Variants in ACACA observed in about 807,000 individuals in gnomAD.
ACACA encodes acetyl-CoA carboxylase 1.
A neutral mutation model predicts 296.1 loss-of-function variants in ACACA; 103 were observed. That is an observed-to-expected ratio of 0.35 (90% CI 0.30 to 0.41). The LOEUF (loss-of-function observed/expected upper bound fraction) is 0.41. Among genes scored for constraint, ACACA ranks in the 10% least tolerant of loss-of-function variants. The probability of loss-of-function intolerance (pLI) is 1.00; values close to 1 mark genes in which losing one functional copy is unlikely to be tolerated. For synonymous variants in ACACA, 953 were observed against 1,038.6 expected, an observed-to-expected ratio of 0.92 and a Z score of 1.58; for missense variants, 1,554 against 2,989.7, an observed-to-expected ratio of 0.52 and a Z score of 11.20.
At chr17:37,221,659 T>G in intron 29 of ACACA, 65 bp downstream of exon 29, 1 of 1,264,154 alleles carries the variant, frequency 7.9e-7, no homozygotes. Flanking sequence ...TCATACACAT[T>G]ACTCCCCTTG....
rs1228582520 is a variant in ACACA at position 37,339,861 on chromosome 17, A to C, written c.39-11T>G. ...CACTTCCAAAAAGACCTAGAGAGAA[A>C]GAGAAAGATTTTAAGGTTTTTTTTT... is the stretch of plus-strand genomic sequence containing the variant. On this transcript the variant is annotated splice_polypyrimidine_tract_variant and intron_variant, in intron 1 of 55. Coordinates refer to ENST00000616317, the MANE Select transcript of ACACA (RefSeq NM_198834.3). 8.4e-7 allele frequency: 1 copy of C among 1,196,266 alleles called. No individual in the cohort carries two copies. Among genetic ancestry groups the C allele is most frequent in the Non-Finnish European group, 1.1e-6 (1 of 870,124 alleles). 74.1% of individuals were successfully genotyped at this position (1,196,266 alleles called of 1,614,324 possible).
chr17:37,280,096 C>T (rs1464312947), intron 5 of ACACA, among the ~76,000 whole-genome samples: 6 of 152,090 alleles, frequency 3.9e-5, no homozygotes, highest in South Asian at 2.1e-4. Flanking sequence ...TCACTAGCAA[C>T]ATGGGTACCA....
At chr17:37,197,016 T>C (rs1180260117) in intron 35 of ACACA, among the ~76,000 whole-genome samples, 8 of 152,212 alleles carry the variant, frequency 5.3e-5, no homozygotes, top group Non-Finnish European at 1.2e-4. Flanking sequence ...TTTAATTAGA[T>C]GGTTATGGAA....
intron 39 of ACACA, among the ~76,000 whole-genome samples, chr17:37,183,848 C>CTTTTT (rs775286104): frequency 8.3e-6 from 1 of 120,068 alleles, no homozygotes; most frequent in Non-Finnish European, 1.7e-5. Context: ...AGTTTCAGTC[C>CTTTTT]TTTTTTTTTT....
chr17:37,176,140 G>A (rs1446907109), intron 41 of ACACA, among the ~76,000 whole-genome samples: 2 of 152,198 alleles, frequency 1.3e-5, no homozygotes, highest in South Asian at 4.1e-4. Flanking sequence ...GGTCTGATAA[G>A]TGCAGGTTTT....
At chr17:37,206,734 G>A in intron 32 of ACACA, 49 bp downstream of exon 32, 2 of 1,408,730 alleles carry the variant, frequency 1.4e-6, no homozygotes, top group South Asian at 1.2e-5. Flanking sequence ...TACAGTAGAA[G>A]TCCCATGTCT....
intron 3 of ACACA, among the ~76,000 whole-genome samples, chr17:37,321,871 G>T (rs1029150153): frequency 1.3e-5 from 2 of 151,546 alleles, no homozygotes; most frequent in Non-Finnish European, 2.9e-5. Flanking sequence ...TTGAACCCAG[G>T]AGGCGGAGGT....
At chr17:37,389,328 C>T (rs1482644485) in intron 1 of ACACA, 8 of 1,593,310 alleles carry the variant, frequency 5.0e-6, no homozygotes, top group Non-Finnish European at 6.8e-6. Flanking sequence ...CCACCTGGGA[C>T]AGCTGAATCC....
At chr17:37,200,283 TG>T in intron 34 of ACACA, 100 bp from the exon 35 acceptor site, 4 of 1,383,124 alleles carry the variant, frequency 2.9e-6, no homozygotes, top group Non-Finnish European at 3.1e-6. Context: ...GTTAAACTAA[TG>T]TTTTTTAAAA....
In ACACA at chr17:37,260,300, T is replaced by A. The variant is rs1375762795; in HGVS notation, c.1330-770A>T. The stretch of plus-strand genomic sequence containing the variant: ...TATATATATATATATATATATATTT[T>A]TTTTTTTTTTTTTTTTGGAGATGGA... On this transcript the variant is annotated intron_variant, in intron 11 of 55. Coordinates refer to ENST00000616317, the MANE Select transcript of ACACA (RefSeq NM_198834.3). Among the ~76,000 whole-genome samples the A allele has an allele frequency of 6.5e-3, 287 of 44,006 alleles. 1 individual carries two copies. Among genetic ancestry groups the A allele is most frequent in the African/African-American group, 0.052 (213 of 4,092 alleles). 28.9% of individuals were successfully genotyped at this position (44,006 alleles called of 152,430 possible). A position where few individuals can be genotyped will look rare whatever the true frequency, so the allele number is the denominator to read the frequency against.
intron 3 of ACACA, among the ~76,000 whole-genome samples, chr17:37,309,449 A>G (rs998817761): frequency 3.3e-5 from 5 of 152,216 alleles, no homozygotes; most frequent in African/African-American, 1.2e-4. Context: ...TCAAATAAAT[A>G]TATTACTAAA....
At chr17:37,375,595 G>A (rs964775541) in intron 1 of ACACA, among the ~76,000 whole-genome samples, 9 of 152,162 alleles carry the variant, frequency 5.9e-5, no homozygotes, top group African/African-American at 1.9e-4. Context: ...AAAAGGGCCT[G>A]TACTAGAACT....
chr17:37,126,079 T>C (rs1343788463), intron 47 of ACACA, among the ~76,000 whole-genome samples: 2 of 152,238 alleles, frequency 1.3e-5, no homozygotes, highest in Non-Finnish European at 2.9e-5. Context: ...TGCATGCTTT[T>C]AAATAAATAA....
chr17:37,301,196 A>G (rs1215459225), intron 3 of ACACA, among the ~76,000 whole-genome samples: 1 of 152,226 alleles, frequency 6.6e-6, no homozygotes, highest in Non-Finnish European at 1.5e-5. Context: ...ACAACCAAAC[A>G]CTAACACAGC....
chr17:37,388,763 T>C (rs1479565876), intron 1 of ACACA: 4 of 1,613,196 alleles, frequency 2.5e-6, no homozygotes, highest in Non-Finnish European at 3.4e-6. Context: ...GTTGCCATTA[T>C]AGTATTTGTA....
intron 1 of ACACA, chr17:37,365,897 T>C (rs1050007160): frequency 9.7e-6 from 2 of 206,772 alleles, no homozygotes; most frequent in African/African-American, 4.7e-5. Flanking sequence ...CCAGTCTCTA[T>C]ACTTCAGCCA....
chr17:37,173,993 TATATATATATATATATA>T lies in ACACA; in HGVS notation c.5079+5250_5079+5266del, dbSNP rs2076986572. Among the ~76,000 whole-genome samples the T allele has an allele frequency of 7.3e-3, 71 of 9,694 alleles. 2 individuals carry two copies. Among genetic ancestry groups the T allele is most frequent in the African/African-American group, 0.032 (66 of 2,032 alleles). 6.4% of individuals were successfully genotyped at this position (9,694 alleles called of 152,430 possible). A position where few individuals can be genotyped will look rare whatever the true frequency, so the allele number is the denominator to read the frequency against. On this transcript the variant is annotated intron_variant, in intron 41 of 55. Transcript: ENST00000616317. ...CACGCCTGGCTAATTTATATATATA[TATATATATATATATATA>T]TATATATATATTTTTTTTTTTTTTT...
intron 41 of ACACA, among the ~76,000 whole-genome samples, chr17:37,172,609 T>C (rs1211707044): frequency 6.6e-6 from 1 of 152,162 alleles, no homozygotes; most frequent in African/African-American, 2.4e-5. Context: ...TCTTACCATA[T>C]ATGCCATAAT....
chr17:37,161,690 T>C (rs77721668), intron 42 of ACACA, 91 bp downstream of exon 42: 2 of 1,482,580 alleles, frequency 1.3e-6, no homozygotes, highest in Non-Finnish European at 1.8e-6. Flanking sequence ...GTGGTGATTT[T>C]TGAACTTAAA....
Sources: allele counts gnomAD v4.1 joint callset (sites outside exome capture counted in the v4.1 genomes callset), GRCh38; gene constraint gnomAD v4.1.1; transcripts MANE v1.5; gene names NCBI Gene and HGNC (gene_info 2026-07-23, HGNC 2026-07-21).